TRMT2B: variants seen among roughly 807,000 people sequenced by gnomAD.
TRMT2B encodes tRNA (uracil-5-)-methyltransferase homolog B.
Under a neutral mutation model 39.7 loss-of-function variants are expected in TRMT2B, and 34 were observed. The ratio of observed to expected loss-of-function variants is 0.86; its 90% CI spans 0.65 to 1.14. The LOEUF (loss-of-function observed/expected upper bound fraction) is 1.14, where lower values mean the gene tolerates loss of function less well. Ranked by LOEUF, TRMT2B falls within the 50% of genes most tolerant of loss-of-function variation. The pLI, the probability that TRMT2B is intolerant of heterozygous loss-of-function variation, is 0.00. For synonymous variants in TRMT2B, 132 were observed against 137.3 expected (o/e 0.96, Z 0.27); for missense variants, 318 against 377.2 (o/e 0.84, Z 1.30).
the TRMT2B span, among the ~76,000 whole-genome samples, chrX:100,977,521 C>T: frequency 7.3e-5 from 8 of 109,959 alleles, no homozygotes; most frequent in Admixed American, 9.7e-5. Context: ...GCTGGGATTA[C>T]AGGCGTGTGC....
Position 101,010,015 on chromosome X carries a change from C to G in TRMT2B, c.*566G>C, listed in dbSNP as rs1393862993. 9.0e-6 allele frequency: 1 copy of G among 110,996 alleles called. No homozygotes were observed. The highest frequency in any genetic ancestry group is 1.9e-5 in the Non-Finnish European group (1 of 53,149). 9.1% of individuals were successfully genotyped at this position (110,996 alleles called of 1,213,427 possible). On this transcript the variant is annotated 3_prime_UTR_variant, in exon 14 of 14. Coordinates refer to ENST00000372936, the MANE Select transcript of TRMT2B (RefSeq NM_024917.6). ...GAGGAGACAAGACTATAAACTAGAA[C>G]CAAGGCTGACAGCAACAGGAAGAAA...
chrX:101,045,052 G>C (rs778278681), intron 2 of TRMT2B, among the ~76,000 whole-genome samples: 2 of 105,472 alleles, frequency 1.9e-5, no homozygotes, highest in East Asian at 6.1e-4. Flanking sequence ...GGGGGGGTGG[G>C]GTGCTCATGT....
chrX:100,988,851 CATATATATATAT>C, the TRMT2B span, among the ~76,000 whole-genome samples: 30 of 79,676 alleles, frequency 3.8e-4, no homozygotes, highest in Middle Eastern at 5.9e-3. Context: ...TAATATATCT[CATATATATATAT>C]ATATATATAT....
chrX:100,979,538 C>CA, the TRMT2B span, among the ~76,000 whole-genome samples: 43 of 111,889 alleles, frequency 3.8e-4, no homozygotes, highest in Admixed American at 5.7e-4. Context: ...TGACCTTCCT[C>CA]AAAACAACTA....
rs755100650 is a variant in TRMT2B at position 101,010,637 on chromosome X, C to A, written c.1459G>T (p.Val487Leu). 2 of 1,211,324 alleles carry A rather than the reference C, an allele frequency of 1.7e-6. No homozygotes were observed. Among genetic ancestry groups the A allele is most frequent in the Admixed American group, 4.4e-5 (2 of 45,945 alleles). ...TGTGGGGTGTGAGGGAACAAATCCA[C>A]AGGTACAGCTTGCTGCAGGACAAAG... ...EPFVLQQAVP[V>L]DLFPHTPHCE... The change falls in exon 14 of 14, where the codon GTG (valine) becomes TTG (leucine). Residue 487 changes from valine (V) to leucine (L), a missense_variant. Coordinates refer to ENST00000372936, the MANE Select transcript of TRMT2B (RefSeq NM_024917.6).
intron 13 of TRMT2B, among the ~76,000 whole-genome samples, chrX:101,014,900 T>A (rs2086440303): frequency 9.1e-6 from 1 of 110,102 alleles, no homozygotes; most frequent in African/African-American, 3.3e-5. Context: ...TAGTCCCAGC[T>A]ACTAGGAGGT....
the TRMT2B span, among the ~76,000 whole-genome samples, chrX:100,997,090 T>C: frequency 1.8e-5 from 2 of 111,112 alleles, no homozygotes; most frequent in Admixed American, 9.6e-5. Flanking sequence ...CTTGTCAGGG[T>C]TGGTACTTAC....
intron 4 of TRMT2B, among the ~76,000 whole-genome samples, chrX:101,038,668 G>A (rs1215860974): frequency 8.9e-6 from 1 of 112,365 alleles, no homozygotes; most frequent in African/African-American, 3.2e-5. Context: ...TTTGCCCTGT[G>A]TTCTACGTAT....
chrX:101,006,082 G>A (rs1276703163), downstream of TRMT2B, among the ~76,000 whole-genome samples: 1 of 108,903 alleles, frequency 9.2e-6, no homozygotes, highest in Non-Finnish European at 1.9e-5. Context: ...TCAGCCGGGT[G>A]TGGTAGCACA....
intron 7 of TRMT2B, among the ~76,000 whole-genome samples, chrX:101,033,603 TAAAG>T (rs1050441574): frequency 5.7e-5 from 6 of 105,899 alleles, no homozygotes; most frequent in South Asian, 4.1e-4. Flanking sequence ...CACAAAAAAA[TAAAG>T]AAAGAAAGAA....
At chrX:101,003,106 G>A in the TRMT2B span, among the ~76,000 whole-genome samples, 1 of 104,221 alleles carries the variant, frequency 9.6e-6, no homozygotes, top group African/African-American at 3.5e-5. Context: ...GTAGAGACAT[G>A]GTCTCACCAT....
chrX:101,032,123 T>TA (rs1180555925), intron 7 of TRMT2B, among the ~76,000 whole-genome samples: 1 of 110,306 alleles, frequency 9.1e-6, no homozygotes, highest in Admixed American at 9.8e-5. Context: ...CCATCTCTGC[T>TA]AAAAATACAA....
At chrX:100,985,837 A>G in the TRMT2B span, 1 of 1,209,966 alleles carries the variant, frequency 8.3e-7, no homozygotes, top group East Asian at 3.0e-5. Context: ...TTCCAGTGAC[A>G]TAAGACGCAT....
intron 7 of TRMT2B, among the ~76,000 whole-genome samples, chrX:101,031,710 GGA>G (rs2087474915): frequency 1.9e-5 from 1 of 52,846 alleles, no homozygotes; most frequent in South Asian, 6.5e-4. Context: ...CTCTGTCGTA[GGA>G]AAAAAAAAAA....
chrX:100,997,553 T>C, the TRMT2B span, among the ~76,000 whole-genome samples: 1 of 111,907 alleles, frequency 8.9e-6, no homozygotes, highest in South Asian at 3.7e-4. Context: ...ACAGGTTTCC[T>C]CTTAAGGAGT....
chrX:101,051,317 T>C lies in TRMT2B; in HGVS notation c.-90A>G, dbSNP rs2089078631. On this transcript the variant is annotated 5_prime_UTR_variant, in exon 2 of 14. Coordinates refer to ENST00000372936, the MANE Select transcript of TRMT2B (RefSeq NM_024917.6). ...CCACCGACAAGGGTCCTGCTTGCAC[T>C]CTCTGCTCACCCTTCCTTCAGCTGG... 5.3e-6 allele frequency: 4 copies of C among 754,096 alleles called. No individual in the cohort carries two copies. The highest frequency in any genetic ancestry group is 6.8e-5 in the South Asian group (1 of 14,802). The allele number at this position is 754,096 out of a possible 1,213,427, so 62.1% of individuals were successfully genotyped here.
At chrX:101,027,511 G>A (rs894687437) in intron 7 of TRMT2B, among the ~76,000 whole-genome samples, 2 of 109,794 alleles carry the variant, frequency 1.8e-5, no homozygotes, top group African/African-American at 6.6e-5. Context: ...CAAAGTGCTG[G>A]GATTACAGGC....
the TRMT2B span, among the ~76,000 whole-genome samples, chrX:100,989,290 T>C: frequency 0.059 from 6,572 of 111,100 alleles, 499 homozygotes; most frequent in African/African-American, 0.21. Flanking sequence ...CAAGGTGCCT[T>C]TCCTTTGGAT....
chrX:101,023,296 G>A (rs1252671490), intron 8 of TRMT2B, among the ~76,000 whole-genome samples, 174 bp downstream of exon 8: 3 of 111,929 alleles, frequency 2.7e-5, no homozygotes, highest in African/African-American at 9.7e-5. Flanking sequence ...GAGCAGTATG[G>A]TTAAATAGTA....
Sources: gnomAD v4.1 joint callset for allele counts (sites outside exome capture counted in the v4.1 genomes callset) on GRCh38, gnomAD v4.1.1 for gene constraint, MANE v1.5 for transcripts, NCBI Gene and HGNC (gene_info 2026-07-23, HGNC 2026-07-21) for gene names.